CNTN1: variants seen among roughly 807,000 people sequenced by gnomAD.
CNTN1 encodes contactin-1.
CNTN1 carries 38 observed loss-of-function variants against 126.4 expected under a neutral mutation model. The observed-to-expected ratio is 0.30, with a 90% confidence interval of 0.23 to 0.39. CNTN1 has a LOEUF of 0.39. Among genes scored for constraint, CNTN1 ranks in the 10% least tolerant of loss-of-function variants. The pLI is 1.00. For missense variants in CNTN1, 1,009 were observed against 1,248.4 expected (o/e 0.81, Z 2.89); for synonymous variants, 413 against 422.6 (o/e 0.98, Z 0.28).
intron 1 of CNTN1, among the ~76,000 whole-genome samples, chr12:40,869,376 T>G (rs1198968999): frequency 1.3e-5 from 2 of 151,668 alleles, no homozygotes; most frequent in African/African-American, 4.8e-5. Context: ...CAAGTGATCC[T>G]CCCAACTCAG....
At chr12:40,917,891 G>A (rs749179493) in intron 3 of CNTN1, among the ~76,000 whole-genome samples, 11 of 152,052 alleles carry the variant, frequency 7.2e-5, no homozygotes, top group East Asian at 5.8e-4. Context: ...TCCAATATCC[G>A]TGTAATTTAT....
chr12:40,755,232 A>T, intron 1 of CNTN1, among the ~76,000 whole-genome samples: 1 of 147,190 alleles, frequency 6.8e-6, no homozygotes, highest in African/African-American at 2.5e-5. Flanking sequence ...AAAAAGAAGA[A>T]AAGAAAAAGA....
At chr12:40,869,692 T>C (rs1943420665) in intron 1 of CNTN1, among the ~76,000 whole-genome samples, 1 of 152,174 alleles carries the variant, frequency 6.6e-6, no homozygotes, top group Non-Finnish European at 1.5e-5. Context: ...GCTAAACCTA[T>C]TGCAAAATCT....
chr12:41,053,942 G>C (rs531369914), intron 23 of CNTN1, among the ~76,000 whole-genome samples: 1 of 151,744 alleles, frequency 6.6e-6, no homozygotes, highest in Non-Finnish European at 1.5e-5. Context: ...TTGTATGCCA[G>C]CTCTTAATTG....
chr12:40,809,305 T>TTGA (rs1174086686), intron 1 of CNTN1, among the ~76,000 whole-genome samples: 3 of 152,168 alleles, frequency 2.0e-5, no homozygotes, highest in Admixed American at 6.5e-5. Flanking sequence ...AGAAGCAAAG[T>TTGA]TGATTGATTA....
rs559608925 is a variant in CNTN1 at position 40,707,033 on chromosome 12, C to T, written c.-77+14441C>T. Among the ~76,000 whole-genome samples the T allele has an allele frequency of 1.6e-4, 18 of 114,872 alleles. No homozygotes were observed. The South Asian group carries it at 2.4e-3, about 15-fold the overall frequency. 75.4% of individuals were successfully genotyped at this position (114,872 alleles called of 152,430 possible). On this transcript the variant is annotated intron_variant, in intron 1 of 23. Coordinates refer to ENST00000551295, the MANE Select transcript of CNTN1 (RefSeq NM_001843.4). ...CAAAACATACATATAAAGACGTGCG[C>T]GCGCGCGCTTGCGCACACACACACA...
chr12:41,013,686 C>T (rs1379897206), intron 17 of CNTN1, among the ~76,000 whole-genome samples: 2 of 152,068 alleles, frequency 1.3e-5, no homozygotes, highest in Non-Finnish European at 2.9e-5. Flanking sequence ...ACTGATACTA[C>T]AAGATGATAT....
chr12:40,695,668 G>A (rs1285067705), intron 1 of CNTN1, among the ~76,000 whole-genome samples: 2 of 151,918 alleles, frequency 1.3e-5, no homozygotes, highest in Admixed American at 6.6e-5. Context: ...ATGTATTATC[G>A]ATTGTTCTCT....
intron 14 of CNTN1, among the ~76,000 whole-genome samples, chr12:40,951,464 T>G (rs1311270222): frequency 6.6e-6 from 1 of 152,116 alleles, no homozygotes; most frequent in Non-Finnish European, 1.5e-5. Flanking sequence ...ATCTTAATAT[T>G]GATGCATTTC....
intron 1 of CNTN1, among the ~76,000 whole-genome samples, chr12:40,872,316 T>G (rs1943531320): frequency 3.3e-5 from 5 of 151,526 alleles, no homozygotes; most frequent in Non-Finnish European, 7.4e-5. Flanking sequence ...TTAAAAACTT[T>G]TAGTGTATAG....
intron 19 of CNTN1, 92 bp from the exon 20 acceptor site, chr12:41,020,245 G>A (rs1336440117): frequency 9.3e-6 from 7 of 756,230 alleles, no homozygotes; most frequent in Non-Finnish European, 1.3e-5. Flanking sequence ...ATTAAAGTAT[G>A]GTCCAACATC....
In CNTN1 at chr12:40,943,708, A is replaced by C; in HGVS notation, c.1491A>C (p.Gly497=). 1.2e-6 allele frequency: 2 copies of C among 1,612,868 alleles called. No homozygotes were observed. Among genetic ancestry groups the C allele is most frequent in the South Asian group, 1.1e-5 (1 of 91,050 alleles). The change falls in exon 13 of 24, where the codon GGA becomes GGC. Residue 497 remains glycine, a synonymous_variant. Coordinates refer to ENST00000551295, the MANE Select transcript of CNTN1 (RefSeq NM_001843.4). The stretch of plus-strand genomic sequence containing the variant: ...ACAGAGGGAAAGCTAATAGCACTGG[A>C]ACCCTTGTTATCACAGGTAAGTTAA... ...ENNRGKANST[G]TLVITDPTRI...
chr12:40,867,696 T>A (rs554202994), intron 1 of CNTN1, among the ~76,000 whole-genome samples: 1 of 152,208 alleles, frequency 6.6e-6, no homozygotes, highest in Admixed American at 6.6e-5. Flanking sequence ...GTTTTTCTGC[T>A]CTGACAGTGA....
At chr12:40,886,071 A>G (rs1944019052) in intron 1 of CNTN1, among the ~76,000 whole-genome samples, 1 of 152,028 alleles carries the variant, frequency 6.6e-6, no homozygotes, top group Admixed American at 6.6e-5. Context: ...CTGAACTCTT[A>G]ATGTTCATAT....
intron 9 of CNTN1, 93 bp from the exon 10 acceptor site, chr12:40,936,688 A>C: frequency 6.7e-7 from 1 of 1,501,926 alleles, no homozygotes; most frequent in Admixed American, 1.7e-5. Flanking sequence ...TATTCTGCAG[A>C]ATTAGGTTAA....
chr12:40,828,463 T>C (rs1362525878), intron 1 of CNTN1, among the ~76,000 whole-genome samples: 1 of 152,168 alleles, frequency 6.6e-6, no homozygotes, highest in Non-Finnish European at 1.5e-5. Flanking sequence ...TGACTTTCTA[T>C]ATTTGATAGT....
In CNTN1 at chr12:41,027,906, C is replaced by G. The variant is rs767642468; in HGVS notation, c.2760C>G (p.Arg920=). Reference sequence around the variant, plus strand: ...TCAGTTCAGTAAGGTCTGGTTCACGCTATATAATCACCTGGGATCATGTCG... The same window carrying G: ...TCAGTTCAGTAAGGTCTGGTTCACGGTATATAATCACCTGGGATCATGTCG... The part of the protein sequence containing the change: ...RIISSVRSGS[R]YIITWDHVVA... The change falls in exon 22 of 24, where the codon CGC becomes CGG. Residue 920 remains arginine, a synonymous_variant. Transcript: ENST00000551295. 2.5e-6 allele frequency: 4 copies of G among 1,613,866 alleles called. No homozygotes were observed. Among genetic ancestry groups the G allele is most frequent in the Non-Finnish European group, 3.4e-6 (4 of 1,179,806 alleles).
chr12:40,983,910 C>G (rs1421164427), intron 16 of CNTN1, among the ~76,000 whole-genome samples: 1 of 132,534 alleles, frequency 7.5e-6, no homozygotes, highest in Non-Finnish European at 1.6e-5. Flanking sequence ...TTATTATATG[C>G]TATTATAGCA....
In CNTN1 at chr12:41,056,411, A is replaced by AGGATGGGAT. The variant is rs1949802458; in HGVS notation, c.2981-13548_2981-13547insGGATGGGAT. 5.3e-5 allele frequency among the ~76,000 whole-genome samples: 8 copies of AGGATGGGAT among 152,292 alleles called. No homozygotes were observed. The South Asian group carries it at 1.7e-3, about 32-fold the overall frequency. Reference sequence around the variant, plus strand: ...ACTAAAGCATGTGCTCTTAATCTGTATACTATGTTAGGATGGGATTAGTTC... The same window carrying AGGATGGGAT: ...ACTAAAGCATGTGCTCTTAATCTGTAGGATGGGATTACTATGTTAGGATGGGATTAGTTC... On this transcript the variant is annotated intron_variant, in intron 23 of 23. Transcript: ENST00000551295.
Sources: gnomAD v4.1 joint callset for allele counts (sites outside exome capture counted in the v4.1 genomes callset) on GRCh38, gnomAD v4.1.1 for gene constraint, MANE v1.5 for transcripts, NCBI Gene and HGNC (gene_info 2026-07-23, HGNC 2026-07-21) for gene names.